Variants in GRM5 observed in about 807,000 individuals in gnomAD.
The protein encoded by GRM5 is glutamate metabotropic receptor 5, also known as metabotropic glutamate receptor 5.
A neutral mutation model predicts 83.1 loss-of-function variants in GRM5; 19 were observed. That is an observed-to-expected ratio of 0.23 (90% CI 0.16 to 0.34). The LOEUF is 0.34. GRM5 is among the 10% of genes least tolerant of loss of function. The pLI, the probability that GRM5 is intolerant of heterozygous loss-of-function variation, is 1.00. For missense variants in GRM5, 1,160 were observed against 1,588.3 expected, an observed-to-expected ratio of 0.73 and a Z score of 4.58; for synonymous variants, 675 against 633.6, an observed-to-expected ratio of 1.07 and a Z score of -0.98.
At chr11:88,645,366 A>G (rs748024295) in intron 4 of GRM5, among the ~76,000 whole-genome samples, 5 of 152,120 alleles carry the variant, frequency 3.3e-5, no homozygotes, top group Non-Finnish European at 5.9e-5. Context: ...GTGTGAATTC[A>G]TTGGAACTGA....
chr11:88,544,409 T>G (rs530709003), intron 8 of GRM5, among the ~76,000 whole-genome samples: 12 of 152,320 alleles, frequency 7.9e-5, no homozygotes, highest in African/African-American at 2.4e-4. Flanking sequence ...ATTTTAGACT[T>G]TTCTACTCCT....
At chr11:88,855,568 T>C (rs7938286) in intron 2 of GRM5, among the ~76,000 whole-genome samples, 62,409 of 151,550 alleles carry the variant, frequency 0.41, 12,996 homozygotes, top group East Asian at 0.5. Context: ...CTGATTATAC[T>C]CATGATTTAT....
chr11:88,944,003 G>T (rs577879055), intron 2 of GRM5, among the ~76,000 whole-genome samples: 17 of 151,990 alleles, frequency 1.1e-4, no homozygotes, highest in African/African-American at 4.8e-5. Context: ...AGTGTCAAAT[G>T]CTTGGCACTT....
intron 4 of GRM5, among the ~76,000 whole-genome samples, chr11:88,650,797 G>A (rs574432782): frequency 6.6e-6 from 1 of 151,892 alleles, no homozygotes; most frequent in African/African-American, 2.4e-5. Context: ...TTAGCATGTT[G>A]GCTAAACTCT....
At chr11:88,772,354 T>C (rs540610536) in intron 3 of GRM5, among the ~76,000 whole-genome samples, 1 of 152,208 alleles carries the variant, frequency 6.6e-6, no homozygotes, top group South Asian at 2.1e-4. Context: ...CAGACTTGCT[T>C]TATTTCTTAC....
At chr11:89,009,929 A>AAAAACAAAC (rs752780249) in intron 2 of GRM5, among the ~76,000 whole-genome samples, 1 of 102,334 alleles carries the variant, frequency 9.8e-6, no homozygotes, top group Admixed American at 1.5e-4. Flanking sequence ...AAAAAAAAAA[A>AAAAACAAAC]ACACACACAA....
intron 2 of GRM5, among the ~76,000 whole-genome samples, chr11:88,950,330 T>G (rs1938416971): frequency 6.8e-6 from 1 of 147,036 alleles, no homozygotes; most frequent in Non-Finnish European, 1.5e-5. Flanking sequence ...ACAGAACCTA[T>G]TAAGAGATAT....
chr11:88,545,604 C>T (rs2135138964), intron 8 of GRM5, among the ~76,000 whole-genome samples: 1 of 152,198 alleles, frequency 6.6e-6, no homozygotes, highest in South Asian at 2.1e-4. Flanking sequence ...ATCCTCCATT[C>T]ACAAAGGTAA....
intron 3 of GRM5, among the ~76,000 whole-genome samples, chr11:88,681,110 A>G (rs1286666477): frequency 6.6e-6 from 1 of 150,386 alleles, no homozygotes; most frequent in East Asian, 1.9e-4. Context: ...AACTCTTGTC[A>G]GTATTTCAAT....
intron 2 of GRM5, among the ~76,000 whole-genome samples, chr11:88,889,095 G>A (rs1305346378): frequency 6.6e-6 from 1 of 152,162 alleles, no homozygotes; most frequent in African/African-American, 2.4e-5. Flanking sequence ...CAAGGGCAGG[G>A]TTTACAAAAT....
chr11:89,023,252 G>A (rs1941034440), intron 2 of GRM5, among the ~76,000 whole-genome samples: 1 of 151,880 alleles, frequency 6.6e-6, no homozygotes, highest in Non-Finnish European at 1.5e-5. Context: ...CCATCAGGGG[G>A]GTAATTGTTA....
At chr11:88,737,228 C>A (rs1461892058) in intron 3 of GRM5, among the ~76,000 whole-genome samples, 1 of 152,034 alleles carries the variant, frequency 6.6e-6, no homozygotes, top group Admixed American at 6.6e-5. Context: ...TGGATGTCTC[C>A]TTTAACAGTA....
chr11:88,931,830 C>A (rs1221162802), intron 2 of GRM5, among the ~76,000 whole-genome samples: 1 of 152,030 alleles, frequency 6.6e-6, no homozygotes, highest in Non-Finnish European at 1.5e-5. Context: ...CACCTTTGAA[C>A]TAAAATGATA....
intron 2 of GRM5, among the ~76,000 whole-genome samples, chr11:88,856,367 A>G (rs1365108419): frequency 1.3e-5 from 2 of 152,064 alleles, no homozygotes; most frequent in East Asian, 1.9e-4. Flanking sequence ...ACCTAGGCCT[A>G]CACAGGCCAG....
chr11:89,012,054 T>G (rs1046687589), intron 2 of GRM5, among the ~76,000 whole-genome samples: 1 of 151,638 alleles, frequency 6.6e-6, no homozygotes, highest in Non-Finnish European at 1.5e-5. Context: ...ACATTTTTTA[T>G]AATGATCAAA....
At chr11:88,820,222 A>T (rs1943762323) in intron 3 of GRM5, among the ~76,000 whole-genome samples, 1 of 141,014 alleles carries the variant, frequency 7.1e-6, no homozygotes, top group Non-Finnish European at 1.5e-5. Flanking sequence ...CTACTAAAAA[A>T]TACAAAAAAA....
At chr11:88,803,791 C>A (rs1359640178) in intron 3 of GRM5, among the ~76,000 whole-genome samples, 6 of 152,192 alleles carry the variant, frequency 3.9e-5, no homozygotes, top group Non-Finnish European at 5.9e-5. Flanking sequence ...ACTCATCTGA[C>A]AAAGGGCTAA....
rs530154017 is a variant in GRM5, at chr11:88,693,010, G to T, written c.912-39607C>A. On this transcript the variant is annotated intron_variant, in intron 3 of 9. Transcript: ENST00000305447. ...GAATCACTGCACTGAGTGGTCTACTGCAGAGAGGAGAAAATGGAGTTTGTA... is the reference window on the plus strand; with the variant it reads ...GAATCACTGCACTGAGTGGTCTACTTCAGAGAGGAGAAAATGGAGTTTGTA... 2.0e-5 allele frequency among the ~76,000 whole-genome samples: 3 copies of T among 152,244 alleles called. No homozygotes were observed. In the East Asian group the frequency reaches 5.8e-4, roughly 29 times the overall value.
At chr11:88,629,837 G>T (rs897171081) in intron 4 of GRM5, among the ~76,000 whole-genome samples, 1 of 152,160 alleles carries the variant, frequency 6.6e-6, no homozygotes, top group Non-Finnish European at 1.5e-5. Context: ...TCCTGTCTTT[G>T]TCTAAGTCCT....
Sources: allele counts gnomAD v4.1 joint callset (sites outside exome capture counted in the v4.1 genomes callset), GRCh38; gene constraint gnomAD v4.1.1; transcripts MANE v1.5; gene names NCBI Gene and HGNC (gene_info 2026-07-23, HGNC 2026-07-21).